The following CEP128 variants were observed in gnomAD, a reference collection of about 807,000 sequenced individuals.
CEP128 encodes the protein centrosomal protein 128kDa.
A neutral mutation model predicts 156.7 loss-of-function variants in CEP128; 132 were observed. The observed-to-expected ratio is 0.84, with a 90% CI of 0.73 to 0.97. CEP128 has a LOEUF of 0.97. CEP128 is among the 50% of genes least tolerant of loss of function. The probability of loss-of-function intolerance (pLI) is 0.00; values close to 1 mark genes in which losing one functional copy is unlikely to be tolerated. For missense variants in CEP128, 1,252 were observed against 1,281.9 expected (o/e 0.98, Z 0.36); for synonymous variants, 469 against 448.9 (o/e 1.04, Z -0.57).
chr14:80,585,753 C>T (rs1218504062), intron 19 of CEP128, among the ~76,000 whole-genome samples: 6 of 152,014 alleles, frequency 3.9e-5, no homozygotes, highest in Non-Finnish European at 7.4e-5. Context: ...CTGTGTGTCT[C>T]GACATTTACC....
At position 80,541,443 on chromosome 14, in the gene CEP128, T is replaced by TAAAAA. The variant is rs35523389; in HGVS notation, c.2881-10562_2881-10558dup. ...CAGAAAGTGAAGCTAATGACTGTGT[T>TAAAAA]AAAAAAAAAAAAAAAAAAAAAACCA... On this transcript the variant is annotated intron_variant, in intron 21 of 24. Coordinates refer to ENST00000555265, the MANE Select transcript of CEP128 (RefSeq NM_152446.5). 1.2e-3 allele frequency among the ~76,000 whole-genome samples: 134 copies of TAAAAA among 109,916 alleles called. 2 individuals are homozygous for TAAAAA. The highest frequency in any genetic ancestry group is 4.9e-3 in the African/African-American group (128 of 26,222). 72.1% of individuals were successfully genotyped at this position (109,916 alleles called of 152,430 possible). A position where few individuals can be genotyped will look rare whatever the true frequency, so the allele number is the denominator to read the frequency against.
chr14:80,862,533 A>G (rs1887561934), intron 9 of CEP128, among the ~76,000 whole-genome samples: 1 of 152,202 alleles, frequency 6.6e-6, no homozygotes, highest in African/African-American at 2.4e-5. Context: ...CACAGACAAA[A>G]CTAGCGCCTA....
chr14:80,882,256 GGGAAAAATAGC>G (rs1170117666), intron 8 of CEP128, among the ~76,000 whole-genome samples: 5 of 151,928 alleles, frequency 3.3e-5, no homozygotes, highest in Non-Finnish European at 1.5e-5. Context: ...AATTTAAAAT[GGGAAAAATAGC>G]TCAATAGACA....
intron 23 of CEP128, among the ~76,000 whole-genome samples, chr14:80,524,343 T>C (rs572375309): frequency 5.3e-5 from 8 of 152,296 alleles, no homozygotes; most frequent in African/African-American, 1.9e-4. Context: ...GTAAAGTTAA[T>C]AGCTACTGAA....
chr14:80,740,652 G>A (rs574149499), intron 19 of CEP128, among the ~76,000 whole-genome samples: 2 of 152,268 alleles, frequency 1.3e-5, no homozygotes, highest in Non-Finnish European at 2.9e-5. Context: ...CTGCTGCAAA[G>A]GCATTATTTT....
chr14:80,482,074 C>A (rs1186213895), intron 14 of CEP128, among the ~76,000 whole-genome samples: 1 of 152,018 alleles, frequency 6.6e-6, no homozygotes. Context: ...AAGTGCTGCT[C>A]CTTTTTTTAT....
chr14:80,685,549 C>G (rs549892111), intron 19 of CEP128, among the ~76,000 whole-genome samples: 2 of 152,036 alleles, frequency 1.3e-5, no homozygotes, highest in Non-Finnish European at 2.9e-5. Context: ...AACGTTATTC[C>G]TCTATCAAGC....
upstream of CEP128, among the ~76,000 whole-genome samples, chr14:80,943,420 A>C (rs1044704475): frequency 2.6e-5 from 4 of 152,256 alleles, no homozygotes; most frequent in African/African-American, 9.6e-5. Flanking sequence ...GAGCTAATGT[A>C]ATCACGAGCT....
At position 80,822,757 on chromosome 14, in the gene CEP128, C is replaced by T. The variant is rs1406806809; in HGVS notation, c.1209+8386G>A. The stretch of plus-strand genomic sequence containing the variant: ...TAGAAAATGGAGATGCCAAAACAGA[C>T]CAGGCACATAAAACTGAAGGTGCTG... On this transcript the variant is annotated intron_variant, in intron 13 of 24. Transcript: ENST00000555265. 13 of 785,532 alleles carry T rather than the reference C, an allele frequency of 1.7e-5. 1 individual carries two copies. The highest frequency in any genetic ancestry group is 2.3e-5 in the Non-Finnish European group (10 of 433,808). The allele number at this position is 785,532 out of a possible 1,614,324, so 48.7% of individuals were successfully genotyped here. A position where few individuals can be genotyped will look rare whatever the true frequency, so the allele number is the denominator to read the frequency against.
At chr14:80,902,615 GC>G (rs1386810967) in intron 6 of CEP128, among the ~76,000 whole-genome samples, 1 of 152,122 alleles carries the variant, frequency 6.6e-6, no homozygotes, top group African/African-American at 2.4e-5. Flanking sequence ...AAAAATTACA[GC>G]TCTGCAGAGA....
intron 19 of CEP128, among the ~76,000 whole-genome samples, chr14:80,696,488 A>C (rs1896895794): frequency 6.6e-6 from 1 of 152,178 alleles, no homozygotes; most frequent in South Asian, 2.1e-4. Flanking sequence ...GGAAACAACA[A>C]AATTTAAGGA....
intron 13 of CEP128, among the ~76,000 whole-genome samples, chr14:80,823,954 C>T (rs1885333910): frequency 6.6e-6 from 1 of 152,270 alleles, no homozygotes; most frequent in Admixed American, 6.5e-5. Flanking sequence ...GATGGCCCTG[C>T]CTCTGCAGCA....
intron 23 of CEP128, among the ~76,000 whole-genome samples, chr14:80,525,904 T>C (rs564991548): frequency 6.6e-6 from 1 of 152,334 alleles, no homozygotes; most frequent in East Asian, 1.9e-4. Context: ...GAATTAATTA[T>C]ATTTCACTGT....
intron 9 of CEP128, 24 bp from the exon 10 acceptor site, chr14:80,840,792 A>G: frequency 1.4e-6 from 2 of 1,420,640 alleles, no homozygotes; most frequent in Non-Finnish European, 2.0e-6. Context: ...GGTGGAAAAA[A>G]ATTATCCCAA....
At chr14:80,736,875 A>T (rs1898558374) in intron 19 of CEP128, among the ~76,000 whole-genome samples, 1 of 152,206 alleles carries the variant, frequency 6.6e-6, no homozygotes, top group South Asian at 2.1e-4. Flanking sequence ...CCCTAGGCAT[A>T]TCGTTAATTT....
chr14:80,941,640 C>G lies in CEP128; in HGVS notation c.-231G>C, dbSNP rs574016510. 6.5e-6 allele frequency: 1 copy of G among 152,906 alleles called. No homozygotes were observed. Among genetic ancestry groups the G allele is most frequent in the African/African-American group, 2.4e-5 (1 of 41,564 alleles). 9.5% of individuals were successfully genotyped at this position (152,906 alleles called of 1,614,324 possible). A position where few individuals can be genotyped will look rare whatever the true frequency, so the allele number is the denominator to read the frequency against. ...GGATCATCGCCTAGGCCCCACCCGGCTCCCGCGGCTACCAGTGACCCAGAA... is the reference window on the plus strand; with the variant it reads ...GGATCATCGCCTAGGCCCCACCCGGGTCCCGCGGCTACCAGTGACCCAGAA... On this transcript the variant is annotated 5_prime_UTR_variant, in exon 1 of 25. Coordinates refer to ENST00000555265, the MANE Select transcript of CEP128 (RefSeq NM_152446.5).
intron 16 of CEP128, among the ~76,000 whole-genome samples, chr14:80,776,035 C>T (rs759068584): frequency 2.0e-5 from 3 of 152,002 alleles, no homozygotes; most frequent in African/African-American, 4.8e-5. Flanking sequence ...GGCTTCACCA[C>T]GTTGGCCAGG....
intron 23 of CEP128, among the ~76,000 whole-genome samples, chr14:80,507,686 C>A (rs374402070): frequency 1.8e-4 from 28 of 152,276 alleles, no homozygotes; most frequent in African/African-American, 6.7e-4. Context: ...ACAACTGAGA[C>A]AGACAGTGAG....
chr14:80,514,186 C>T (rs1888385673), intron 23 of CEP128, among the ~76,000 whole-genome samples: 1 of 152,154 alleles, frequency 6.6e-6, no homozygotes, highest in African/African-American at 2.4e-5. Flanking sequence ...CCTTTCTGAA[C>T]CAAACCAATG....
Sources: allele counts gnomAD v4.1 joint callset (sites outside exome capture counted in the v4.1 genomes callset), GRCh38; gene constraint gnomAD v4.1.1; transcripts MANE v1.5; gene names NCBI Gene and HGNC (gene_info 2026-07-23, HGNC 2026-07-21).